The following RERE variants were observed in gnomAD, a reference collection of about 807,000 sequenced individuals.
The protein encoded by RERE is arginine-glutamic acid dipeptide repeats protein.
RERE carries 40 observed loss-of-function variants against 146.1 expected under a neutral mutation model. The observed-to-expected ratio is 0.27, with a 90% CI of 0.21 to 0.36. RERE has a LOEUF of 0.36. RERE is among the 10% of genes least tolerant of loss of function. The pLI is 1.00. For synonymous variants in RERE, 1,003 were observed against 866.0 expected (o/e 1.16, Z -2.78); for missense variants, 1,933 against 2,138.7 (o/e 0.90, Z 1.90).
chr1:8,513,738 C>T (rs989932364), intron 7 of RERE, among the ~76,000 whole-genome samples: 1 of 152,164 alleles, frequency 6.6e-6, no homozygotes, highest in African/African-American at 2.4e-5. Context: ...CAACATCGTG[C>T]CATTGTACTC....
At chr1:8,435,289 C>T (rs773431663) in intron 11 of RERE, among the ~76,000 whole-genome samples, 5 of 152,222 alleles carry the variant, frequency 3.3e-5, no homozygotes, top group Non-Finnish European at 5.9e-5. Flanking sequence ...GAGGAAAGGG[C>T]CTTTGTTTTG....
chr1:8,804,108 G>C (rs57695120), intron 1 of RERE, among the ~76,000 whole-genome samples: 14 of 152,002 alleles, frequency 9.2e-5, no homozygotes, highest in African/African-American at 3.4e-4. Context: ...TCTCAACAAG[G>C]TCTTTAATCA....
At chr1:8,612,561 A>G (rs1182295528) in intron 4 of RERE, among the ~76,000 whole-genome samples, 1 of 152,236 alleles carries the variant, frequency 6.6e-6, no homozygotes, top group Non-Finnish European at 1.5e-5. Flanking sequence ...CTAAAAAATA[A>G]ATACTAATCA....
intron 12 of RERE, among the ~76,000 whole-genome samples, chr1:8,395,740 C>T (rs941219890): frequency 1.3e-5 from 2 of 151,984 alleles, no homozygotes; most frequent in African/African-American, 4.8e-5. Flanking sequence ...GTTTCTAAAA[C>T]GGGAGAGGAG....
intron 1 of RERE, among the ~76,000 whole-genome samples, chr1:8,808,719 A>G (rs1641735754): frequency 6.6e-6 from 1 of 152,212 alleles, no homozygotes; most frequent in African/African-American, 2.4e-5. Flanking sequence ...CAAATACTAC[A>G]GCTTGGTAAG....
intron 8 of RERE, among the ~76,000 whole-genome samples, chr1:8,498,067 A>C (rs892842737): frequency 7.2e-5 from 11 of 152,270 alleles, no homozygotes; most frequent in Non-Finnish European, 1.5e-5. Context: ...AAACATTAAA[A>C]AATATAGTTG....
intron 4 of RERE, among the ~76,000 whole-genome samples, chr1:8,583,610 T>C (rs914132065): frequency 2.0e-5 from 3 of 152,140 alleles, no homozygotes; most frequent in Non-Finnish European, 2.9e-5. Context: ...CATAGCTCCC[T>C]GCCGGCACAA....
intron 4 of RERE, among the ~76,000 whole-genome samples, chr1:8,577,763 T>C (rs566867107): frequency 1.3e-5 from 2 of 152,320 alleles, no homozygotes; most frequent in East Asian, 3.9e-4. Context: ...ATCTTATTCA[T>C]TGTGAGATAT....
chr1:8,524,744 T>A (rs542347360), intron 7 of RERE, among the ~76,000 whole-genome samples: 11 of 152,316 alleles, frequency 7.2e-5, no homozygotes, highest in African/African-American at 2.6e-4. Flanking sequence ...TCTGACTGGC[T>A]CCCTAAATAA....
chr1:8,549,751 G>T (rs182790730), intron 6 of RERE, among the ~76,000 whole-genome samples: 4 of 152,332 alleles, frequency 2.6e-5, no homozygotes, highest in Admixed American at 2.6e-4. Flanking sequence ...CCAGTAATTA[G>T]ACATTATCAA....
At chr1:8,441,179 G>C (rs1644243035) in intron 11 of RERE, among the ~76,000 whole-genome samples, 1 of 152,096 alleles carries the variant, frequency 6.6e-6, no homozygotes, top group Non-Finnish European at 1.5e-5. Flanking sequence ...GCTCCTATGG[G>C]GGCGTGGGTT....
At chr1:8,534,356 G>C (rs1557676476) in intron 7 of RERE, among the ~76,000 whole-genome samples, 3 of 152,136 alleles carry the variant, frequency 2.0e-5, no homozygotes, top group Non-Finnish European at 4.4e-5. Context: ...TAAGGAAAAG[G>C]GAATAAACTA....
At position 8,370,413 on chromosome 1, in the gene RERE, C is replaced by A. The variant is rs184913378; in HGVS notation, c.1285-4439G>T. Among the ~76,000 whole-genome samples, 27 of 152,304 alleles carry A rather than the reference C, an allele frequency of 1.8e-4. No individual in the cohort carries two copies. In the East Asian group the frequency reaches 5.2e-3, roughly 29 times the overall value. ...GCTCTGTAAGTTGAATGTGGTGTCA[C>A]TGACACAAATGTATACAGTGGTCAA... On this transcript the variant is annotated intron_variant, in intron 12 of 22. Transcript: ENST00000400908.
intron 12 of RERE, among the ~76,000 whole-genome samples, chr1:8,417,480 A>G (rs936427711): frequency 7.9e-5 from 12 of 152,226 alleles, no homozygotes; most frequent in African/African-American, 2.9e-4. Flanking sequence ...TAAAAACGTC[A>G]AAACTGGCTG....
chr1:8,447,381 T>G (rs1230841794), intron 11 of RERE, among the ~76,000 whole-genome samples: 6 of 152,174 alleles, frequency 3.9e-5, no homozygotes, highest in Middle Eastern at 3.4e-3. Flanking sequence ...GGCGTTCTGG[T>G]TTTTGGAATT....
chr1:8,393,327 G>C (rs1385562189), intron 12 of RERE, among the ~76,000 whole-genome samples: 1 of 152,156 alleles, frequency 6.6e-6, no homozygotes, highest in South Asian at 2.1e-4. Flanking sequence ...GTAAGATGCA[G>C]TATCCTATTT....
At chr1:8,605,358 T>C (rs993050988) in intron 4 of RERE, among the ~76,000 whole-genome samples, 2 of 152,172 alleles carry the variant, frequency 1.3e-5, no homozygotes, top group Non-Finnish European at 2.9e-5. Flanking sequence ...GGTCTCAATC[T>C]CCTGACCTTG....
intron 1 of RERE, among the ~76,000 whole-genome samples, chr1:8,783,944 G>GA (rs1415397929): frequency 6.6e-6 from 1 of 152,160 alleles, no homozygotes; most frequent in East Asian, 1.9e-4. Flanking sequence ...AGGAAGTATG[G>GA]AATGGGCTGT....
intron 7 of RERE, among the ~76,000 whole-genome samples, chr1:8,510,706 T>C (rs1645323968): frequency 6.6e-6 from 1 of 152,206 alleles, no homozygotes; most frequent in Admixed American, 6.5e-5. Context: ...CTAAATACTT[T>C]CCAAATGCTT....
Sources: allele counts gnomAD v4.1 joint callset (sites outside exome capture counted in the v4.1 genomes callset), GRCh38; gene constraint gnomAD v4.1.1; transcripts MANE v1.5; gene names NCBI Gene and HGNC (gene_info 2026-07-23, HGNC 2026-07-21).